The following RUFY3 variants were observed in gnomAD, a reference collection of about 807,000 sequenced individuals.
The protein encoded by RUFY3 is RUN and FYVE domain containing 3.
Under a neutral mutation model 84.0 loss-of-function variants are expected in RUFY3, and 34 were observed. The observed-to-expected ratio is 0.40, with a 90% CI of 0.31 to 0.54. The LOEUF (loss-of-function observed/expected upper bound fraction) is 0.54, where lower values mean the gene tolerates loss of function less well. RUFY3 is among the 20% of genes least tolerant of loss of function. The probability of loss-of-function intolerance (pLI) is 0.39; values close to 1 mark genes in which losing one functional copy is unlikely to be tolerated. For missense variants in RUFY3, 507 were observed against 736.8 expected, an observed-to-expected ratio of 0.69 and a Z score of 3.61; for synonymous variants, 242 against 252.9, an observed-to-expected ratio of 0.96 and a Z score of 0.41.
intron 5 of RUFY3, among the ~76,000 whole-genome samples, chr4:70,769,083 G>A (rs938876970): frequency 6.6e-6 from 1 of 152,094 alleles, no homozygotes; most frequent in Admixed American, 6.6e-5. Context: ...GGCCAGGTGC[G>A]ATTGTTCACA....
Position 70,808,369 on chromosome 4 carries a change from A to G in RUFY3, c.*1710A>G, listed in dbSNP as rs1733031924. Among the ~76,000 whole-genome samples, 1 of 152,192 alleles carries G rather than the reference A, an allele frequency of 6.6e-6. No homozygotes were observed. The highest frequency in any genetic ancestry group is 1.5e-5 in the Non-Finnish European group (1 of 68,032). Reference sequence around the variant, plus strand: ...GAGAAGGCAAAAAACATTACATAATATTTTGATTCTGTTACGTGTGTCTAT... The same window carrying G: ...GAGAAGGCAAAAAACATTACATAATGTTTTGATTCTGTTACGTGTGTCTAT... On this transcript the variant is annotated 3_prime_UTR_variant, in exon 18 of 18. Transcript: ENST00000381006.
chr4:70,712,322 G>T (rs1188624584), intron 1 of RUFY3, among the ~76,000 whole-genome samples: 1 of 152,132 alleles, frequency 6.6e-6, no homozygotes, highest in Non-Finnish European at 1.5e-5. Flanking sequence ...ACTGAAGCCA[G>T]GGAATGAATT....
chr4:70,707,589 A>T (rs6831262), intron 1 of RUFY3, among the ~76,000 whole-genome samples: 2 of 151,886 alleles, frequency 1.3e-5, no homozygotes, highest in Non-Finnish European at 2.9e-5. Context: ...ATATTTCCTC[A>T]TGGTCTTTAT....
intron 1 of RUFY3, among the ~76,000 whole-genome samples, chr4:70,762,225 G>C (rs1725154921): frequency 6.6e-6 from 1 of 152,164 alleles, no homozygotes; most frequent in East Asian, 1.9e-4. Context: ...AGAGACAGAA[G>C]GGTTACTTGA....
In RUFY3 at chr4:70,753,279, C is replaced by G. The variant is rs1723430079; in HGVS notation, c.179-9240C>G. ...GATTTTAGTAATTTGAATCTTCTCC[C>G]TTTTCTACTGATCAGTCTAGCTAAA... On this transcript the variant is annotated intron_variant, in intron 1 of 17. Transcript: ENST00000381006. Among the ~76,000 whole-genome samples, 2 of 152,162 alleles carry G rather than the reference C, an allele frequency of 1.3e-5. 1 individual carries two copies. The highest frequency in any genetic ancestry group is 4.1e-4 in the South Asian group (2 of 4,830).
intron 3 of RUFY3, 58 bp from the exon 4 acceptor site, chr4:70,764,417 T>C (rs999040538): frequency 1.7e-6 from 2 of 1,153,176 alleles, no homozygotes; most frequent in Non-Finnish European, 2.6e-6. Context: ...CTGATTCTAC[T>C]GTAGCCTTTG....
At chr4:70,712,936 G>A (rs962833305) in intron 1 of RUFY3, among the ~76,000 whole-genome samples, 1 of 152,180 alleles carries the variant, frequency 6.6e-6, no homozygotes, top group Non-Finnish European at 1.5e-5. Context: ...CTCAGGTTAT[G>A]AGCTGTAGAA....
intron 15 of RUFY3, among the ~76,000 whole-genome samples, chr4:70,800,811 G>A (rs1449133558): frequency 2.0e-5 from 3 of 152,136 alleles, no homozygotes; most frequent in South Asian, 2.1e-4. Flanking sequence ...GAACTCAGGA[G>A]GCAGAGGTTG....
At position 70,782,649 on chromosome 4, in the gene RUFY3, A is replaced by G. The variant is rs535297559; in HGVS notation, c.895-442A>G. Among the ~76,000 whole-genome samples the G allele has an allele frequency of 6.2e-3, 946 of 152,208 alleles. 5 individuals are homozygous for G. Among genetic ancestry groups the G allele is most frequent in the Middle Eastern group, 0.02 (6 of 294 alleles). Reference sequence around the variant, plus strand: ...ATTTCTTGGTCGGGCGCAGTGGCTCATGCCTATAATCCCAGCACTTTGGGA... The same window carrying G: ...ATTTCTTGGTCGGGCGCAGTGGCTCGTGCCTATAATCCCAGCACTTTGGGA... On this transcript the variant is annotated intron_variant, in intron 8 of 17. Transcript: ENST00000381006.
chr4:70,787,410 A>T (rs2148789769), intron 10 of RUFY3, among the ~76,000 whole-genome samples: 2 of 151,282 alleles, frequency 1.3e-5, no homozygotes, highest in South Asian at 4.2e-4. Flanking sequence ...GGCGCCTGCC[A>T]CCACACCCAG....
intron 1 of RUFY3, among the ~76,000 whole-genome samples, chr4:70,744,709 C>T (rs1721906052): frequency 6.8e-6 from 1 of 147,124 alleles, no homozygotes; most frequent in Admixed American, 6.8e-5. Flanking sequence ...GGCTGGAGTG[C>T]AATGCTATGA....
intron 1 of RUFY3, among the ~76,000 whole-genome samples, chr4:70,755,620 G>A (rs985928368): frequency 2.0e-5 from 3 of 152,176 alleles, no homozygotes; most frequent in Admixed American, 6.5e-5. Flanking sequence ...GAAATTAGCA[G>A]TCTTGAAGAG....
intron 1 of RUFY3, among the ~76,000 whole-genome samples, chr4:70,735,820 C>G (rs1348675316): frequency 1.3e-5 from 2 of 152,064 alleles, no homozygotes; most frequent in Non-Finnish European, 2.9e-5. Context: ...AACCCTGTCT[C>G]TACTAAAACT....
intron 8 of RUFY3, among the ~76,000 whole-genome samples, chr4:70,780,133 T>C (rs1728659429): frequency 6.6e-6 from 1 of 152,174 alleles, no homozygotes; most frequent in Non-Finnish European, 1.5e-5. Context: ...ACATAGGCTT[T>C]TGGAATGTTC....
At chr4:70,710,003 C>T (rs1316815914) in intron 1 of RUFY3, among the ~76,000 whole-genome samples, 1 of 152,262 alleles carries the variant, frequency 6.6e-6, no homozygotes, top group South Asian at 2.1e-4. Context: ...CTATGACTAC[C>T]CACTACAAAG....
intron 10 of RUFY3, among the ~76,000 whole-genome samples, chr4:70,786,385 GTT>G (rs111568807): frequency 1.8e-4 from 27 of 146,832 alleles, no homozygotes; most frequent in African/African-American, 6.7e-4. Flanking sequence ...TAGAAGAAAG[GTT>G]TTTTTTTTTC....
At chr4:70,750,826 A>G (rs1723012432) in intron 1 of RUFY3, among the ~76,000 whole-genome samples, 1 of 152,182 alleles carries the variant, frequency 6.6e-6, no homozygotes, top group Non-Finnish European at 1.5e-5. Context: ...CATTTTATAT[A>G]AACAAAAATA....
At chr4:70,733,037 A>T (rs978805242) in intron 1 of RUFY3, among the ~76,000 whole-genome samples, 12 of 149,580 alleles carry the variant, frequency 8.0e-5, no homozygotes, top group African/African-American at 3.0e-4. Flanking sequence ...ACTGCACTCT[A>T]ACCTGGGCAA....
rs1268063842 is a variant in RUFY3 at position 70,787,260 on chromosome 4, GT to G, written c.1072-1531del. Reference sequence around the variant, plus strand: ...AACATAATTTTAGATTTATTTATTTGTTTTTTTTTTTTTTTGAGATGGAGTC... The same window carrying G: ...AACATAATTTTAGATTTATTTATTTGTTTTTTTTTTTTTTGAGATGGAGTC... On this transcript the variant is annotated intron_variant, in intron 10 of 17. Transcript: ENST00000381006. Among the ~76,000 whole-genome samples, 454 of 108,472 alleles carry G rather than the reference GT, an allele frequency of 4.2e-3. 5 individuals are homozygous for G. The highest frequency in any genetic ancestry group is 0.014 in the African/African-American group (396 of 28,688). 71.2% of individuals were successfully genotyped at this position (108,472 alleles called of 152,430 possible).
Sources: allele counts gnomAD v4.1 joint callset (sites outside exome capture counted in the v4.1 genomes callset), GRCh38; gene constraint gnomAD v4.1.1; transcripts MANE v1.5; gene names NCBI Gene and HGNC (gene_info 2026-07-23, HGNC 2026-07-21).